Variants in FAM178B observed in about 807,000 individuals in gnomAD.
FAM178B encodes family with sequence similarity 178 member B.
In FAM178B, 82 loss-of-function variants were observed where a neutral mutation model predicts 91.7. That is an observed-to-expected ratio of 0.89 (90% CI 0.75 to 1.07). The LOEUF is 1.07. Ranked by LOEUF, FAM178B falls within the 50% of genes least tolerant of loss-of-function variation. The pLI is 0.00. For synonymous variants in FAM178B, 368 were observed against 359.4 expected, an observed-to-expected ratio of 1.02 and a Z score of -0.27; for missense variants, 769 against 846.7, an observed-to-expected ratio of 0.91 and a Z score of 1.14.
intron 8 of FAM178B, among the ~76,000 whole-genome samples, chr2:96,933,377 G>T (rs992900091): frequency 6.6e-5 from 10 of 152,174 alleles, no homozygotes; most frequent in African/African-American, 2.4e-4. Flanking sequence ...GACACTTGGG[G>T]GTATGGGGGG....
intron 6 of FAM178B, among the ~76,000 whole-genome samples, chr2:96,959,473 G>A (rs2082050161): frequency 1.3e-5 from 2 of 152,306 alleles, no homozygotes; most frequent in South Asian, 2.1e-4. Flanking sequence ...CATAAGCCCT[G>A]TATAACTGGA....
intron 9 of FAM178B, among the ~76,000 whole-genome samples, chr2:96,928,196 C>T (rs925650670): frequency 9.9e-5 from 15 of 152,278 alleles, no homozygotes; most frequent in South Asian, 6.2e-4. Flanking sequence ...CTGGCGCTGA[C>T]GGATTGTCAG....
chr2:96,911,405 A>G (rs2081155003), intron 12 of FAM178B, among the ~76,000 whole-genome samples: 1 of 152,184 alleles, frequency 6.6e-6, no homozygotes, highest in South Asian at 2.1e-4. Context: ...GCAAATGATC[A>G]TCTTGAGTTG....
intron 9 of FAM178B, among the ~76,000 whole-genome samples, chr2:96,927,894 G>C (rs1182708904): frequency 1.3e-5 from 2 of 152,194 alleles, no homozygotes; most frequent in South Asian, 2.1e-4. Context: ...TTGTCTTTCT[G>C]AGTGTAATTC....
intron 12 of FAM178B, among the ~76,000 whole-genome samples, chr2:96,904,241 T>C (rs2080987678): frequency 1.3e-5 from 2 of 152,152 alleles, no homozygotes; most frequent in African/African-American, 4.8e-5. Flanking sequence ...TCAGGCTGTA[T>C]CCATACAGCT....
intron 12 of FAM178B, among the ~76,000 whole-genome samples, chr2:96,916,219 A>G (rs2081238833): frequency 6.6e-6 from 1 of 152,204 alleles, no homozygotes; most frequent in Admixed American, 6.5e-5. Flanking sequence ...TGGCCTCCAG[A>G]GGGACTACTG....
intron 7 of FAM178B, among the ~76,000 whole-genome samples, chr2:96,950,263 G>T (rs577122576): frequency 1.3e-5 from 2 of 152,324 alleles, no homozygotes; most frequent in East Asian, 1.9e-4. Context: ...CACCGCCAGC[G>T]TGGGGAATAA....
intron 14 of FAM178B, among the ~76,000 whole-genome samples, chr2:96,887,519 C>T (rs547505784): frequency 2.6e-4 from 40 of 152,318 alleles, no homozygotes; most frequent in South Asian, 6.2e-4. Flanking sequence ...ACGGGAGAGA[C>T]AGTCTGGGCT....
chr2:96,929,344 G>C lies in FAM178B; in HGVS notation c.1079-24C>G, dbSNP rs540541270. ...ATCTGTCAGGCCAAAAGGGAGCAGA[G>C]AGTTAGAATGGGGAACGGAGGGCAG... On this transcript the variant is annotated intron_variant, in intron 8 of 16. Coordinates refer to ENST00000490605, the MANE Select transcript of FAM178B (RefSeq NM_001122646.3). 939 of 1,504,022 alleles carry C rather than the reference G, an allele frequency of 6.2e-4. 10 individuals are homozygous for C. The South Asian group carries it at 0.011, about 17-fold the overall frequency. 93.2% of individuals were successfully genotyped at this position (1,504,022 alleles called of 1,614,324 possible).
At chr2:96,911,057 C>T (rs1309277800) in intron 12 of FAM178B, among the ~76,000 whole-genome samples, 3 of 152,066 alleles carry the variant, frequency 2.0e-5, no homozygotes, top group Admixed American at 1.3e-4. Flanking sequence ...TGTGAGCCAC[C>T]GTGCCTGGCC....
chr2:96,900,332 C>T (rs915347253), intron 13 of FAM178B, among the ~76,000 whole-genome samples: 9 of 152,094 alleles, frequency 5.9e-5, no homozygotes, highest in African/African-American at 2.2e-4. Context: ...TCCTCACTGC[C>T]CCTCCCAAGG....
At chr2:96,952,936 C>T (rs770759682) in intron 6 of FAM178B, among the ~76,000 whole-genome samples, 3 of 152,204 alleles carry the variant, frequency 2.0e-5, no homozygotes, top group Non-Finnish European at 4.4e-5. Flanking sequence ...CCTCCTCCTT[C>T]TGCTTCTCCT....
intron 9 of FAM178B, among the ~76,000 whole-genome samples, chr2:96,925,458 TGACTA>T (rs1249745875): frequency 6.6e-6 from 1 of 152,186 alleles, no homozygotes; most frequent in Non-Finnish European, 1.5e-5. Context: ...AGGAATCACT[TGACTA>T]AACTGCTGGC....
intron 5 of FAM178B, among the ~76,000 whole-genome samples, chr2:96,963,297 G>A (rs2082105958): frequency 6.6e-6 from 1 of 152,210 alleles, no homozygotes; most frequent in Non-Finnish European, 1.5e-5. Context: ...GCTAGTGAGT[G>A]GAGAACCTGG....
At chr2:96,974,534 G>A (rs181266745) in intron 1 of FAM178B, among the ~76,000 whole-genome samples, 1 of 152,002 alleles carries the variant, frequency 6.6e-6, no homozygotes, top group African/African-American at 2.4e-5. Context: ...TCAGTAATTA[G>A]TTCAAATATA....
At chr2:96,881,410 C>G (rs1234705400) in intron 14 of FAM178B, among the ~76,000 whole-genome samples, 1 of 152,022 alleles carries the variant, frequency 6.6e-6, no homozygotes, top group African/African-American at 2.4e-5. Flanking sequence ...GGGAAGGCAC[C>G]CTGGGCTGTC....
chr2:96,883,454 C>T (rs1264358520), intron 14 of FAM178B, among the ~76,000 whole-genome samples: 2 of 152,208 alleles, frequency 1.3e-5, no homozygotes, highest in African/African-American at 2.4e-5. Context: ...CTTTCTCCCC[C>T]ATCAGGTCAT....
chr2:96,889,392 C>T (rs374169121), intron 14 of FAM178B, among the ~76,000 whole-genome samples: 1 of 152,232 alleles, frequency 6.6e-6, no homozygotes, highest in African/African-American at 2.4e-5. Context: ...AATAGAACAT[C>T]AGTAGGCCCG....
At chr2:96,965,464 C>A (rs750496589) in intron 5 of FAM178B, among the ~76,000 whole-genome samples, 1 of 151,666 alleles carries the variant, frequency 6.6e-6, no homozygotes, top group Non-Finnish European at 1.5e-5. Context: ...CAGTCTCCCC[C>A]CATTTTTTTT....
Sources: allele counts gnomAD v4.1 joint callset (sites outside exome capture counted in the v4.1 genomes callset), GRCh38; gene constraint gnomAD v4.1.1; transcripts MANE v1.5; gene names NCBI Gene and HGNC (gene_info 2026-07-23, HGNC 2026-07-21).